The following CSMD1 variants were observed in gnomAD, a reference collection of about 807,000 sequenced individuals.
The protein encoded by CSMD1 is CUB and Sushi multiple domains 1, also known as CUB and sushi domain-containing protein 1.
CSMD1 carries 213 observed loss-of-function variants against 417.5 expected under a neutral mutation model. The ratio of observed to expected loss-of-function variants is 0.51; its 90% CI spans 0.46 to 0.57. The LOEUF is 0.57. Among genes scored for constraint, CSMD1 ranks in the 20% least tolerant of loss-of-function variants. The pLI is 0.00. For synonymous variants in CSMD1, 2,862 were observed against 1,736.8 expected (o/e 1.65, Z -16.11); for missense variants, 6,923 against 4,529.7 (o/e 1.53, Z -15.17).
chr8:4,645,848 C>T (rs561777271), intron 1 of CSMD1, among the ~76,000 whole-genome samples: 1 of 152,218 alleles, frequency 6.6e-6, no homozygotes, highest in South Asian at 2.1e-4. Context: ...CTTCATGGCA[C>T]CCCACGCCTG....
At chr8:3,059,105 T>C (rs76304278) in intron 49 of CSMD1, among the ~76,000 whole-genome samples, 14,914 of 151,844 alleles carry the variant, frequency 0.098, 715 homozygotes, top group Middle Eastern at 0.14. Flanking sequence ...GATGAGACCA[T>C]AGGAGACGCT....
chr8:3,976,291 A>G (rs1008343520), intron 5 of CSMD1, among the ~76,000 whole-genome samples: 1 of 150,856 alleles, frequency 6.6e-6, no homozygotes, highest in Non-Finnish European at 1.5e-5. Flanking sequence ...CTGTCAGGTT[A>G]TACTTATCAT....
chr8:3,994,445 C>A (rs949103903), intron 5 of CSMD1, among the ~76,000 whole-genome samples: 28 of 63,824 alleles, frequency 4.4e-4, no homozygotes, highest in Non-Finnish European at 5.6e-4. Flanking sequence ...CAAATCTCTT[C>A]AGAAAAAAAA....
chr8:3,515,256 G>A (rs974428331), intron 10 of CSMD1: 1 of 152,148 alleles, frequency 6.6e-6, no homozygotes, highest in Non-Finnish European at 1.5e-5. Flanking sequence ...ATAAATAACA[G>A]CACTGTACCT....
At chr8:3,282,367 T>TA (rs1269335149) in intron 26 of CSMD1, among the ~76,000 whole-genome samples, 1 of 151,850 alleles carries the variant, frequency 6.6e-6, no homozygotes, top group Non-Finnish European at 1.5e-5. Flanking sequence ...AAAACTACTC[T>TA]AAAAAAATAA....
intron 33 of CSMD1, among the ~76,000 whole-genome samples, 196 bp downstream of exon 33, chr8:3,199,518 A>G (rs1401987479): frequency 6.6e-6 from 1 of 152,196 alleles, no homozygotes; most frequent in Non-Finnish European, 1.5e-5. Flanking sequence ...TTGTAGTAGA[A>G]ATATGAGTTT....
At chr8:3,653,553 C>T (rs543880722) in intron 7 of CSMD1, among the ~76,000 whole-genome samples, 42 of 152,156 alleles carry the variant, frequency 2.8e-4, no homozygotes, top group Non-Finnish European at 4.3e-4. Context: ...AAGTAATCAG[C>T]GCACCTCAGC....
At chr8:4,363,384 C>G (rs754262942) in intron 3 of CSMD1, among the ~76,000 whole-genome samples, 2 of 152,106 alleles carry the variant, frequency 1.3e-5, no homozygotes, top group African/African-American at 2.4e-5. Context: ...ATGCTTTATA[C>G]GTAAGAGGGA....
At chr8:4,952,412 G>A (rs1307673305) in intron 1 of CSMD1, among the ~76,000 whole-genome samples, 1 of 152,002 alleles carries the variant, frequency 6.6e-6, no homozygotes, top group Non-Finnish European at 1.5e-5. Flanking sequence ...TTGTAAAATG[G>A]AAGAGTCTAT....
chr8:3,933,366 C>T (rs1007486358), intron 5 of CSMD1, among the ~76,000 whole-genome samples: 2 of 152,156 alleles, frequency 1.3e-5, no homozygotes, highest in African/African-American at 2.4e-5. Flanking sequence ...GGCGACATTT[C>T]AGTTTAGTAC....
At chr8:4,350,234 A>C (rs776731031) in intron 3 of CSMD1, among the ~76,000 whole-genome samples, 4 of 152,120 alleles carry the variant, frequency 2.6e-5, no homozygotes, top group African/African-American at 4.8e-5. Flanking sequence ...CACCTGCCTG[A>C]AGCCTAAGTC....
chr8:3,347,102 A>T (rs1563295414), intron 22 of CSMD1, among the ~76,000 whole-genome samples: 1 of 152,242 alleles, frequency 6.6e-6, no homozygotes, highest in Non-Finnish European at 1.5e-5. Flanking sequence ...AACATCTCAT[A>T]ATGTTTTAAA....
rs562415655 is a variant in CSMD1, at chr8:4,015,414, C to T, written c.610+16491G>A. The stretch of plus-strand genomic sequence containing the variant: ...CCTATGATTAAAAAACCTCGACTGA[C>T]AGTTCATATAGAATTGGCAAGTGAC... On this transcript the variant is annotated intron_variant, in intron 4 of 69. Transcript: ENST00000635120. Among the ~76,000 whole-genome samples the T allele has an allele frequency of 7.9e-5, 12 of 152,206 alleles. No individual in the cohort carries two copies. In the South Asian group the frequency reaches 1.5e-3, roughly 18 times the overall value.
At chr8:4,811,832 T>G (rs1343314005) in intron 1 of CSMD1, among the ~76,000 whole-genome samples, 1 of 152,150 alleles carries the variant, frequency 6.6e-6, no homozygotes, top group African/African-American at 2.4e-5. Flanking sequence ...GATGTGATTT[T>G]TTTTCTTCTA....
At chr8:4,687,495 G>C (rs1224599187) in intron 1 of CSMD1, among the ~76,000 whole-genome samples, 1 of 152,334 alleles carries the variant, frequency 6.6e-6, no homozygotes, top group East Asian at 1.9e-4. Context: ...TTGTAGAAGA[G>C]ATGCCAGAAG....
chr8:3,210,853 C>T (rs951520698), intron 30 of CSMD1, among the ~76,000 whole-genome samples: 1 of 151,868 alleles, frequency 6.6e-6, no homozygotes, highest in Non-Finnish European at 1.5e-5. Context: ...AAATTAAATG[C>T]CTTTTGTATT....
rs144726030 is a variant in CSMD1 at position 4,087,748 on chromosome 8, T to C, written c.416-55649A>G. The stretch of plus-strand genomic sequence containing the variant: ...CGCACCCTTTCTTCTGTCTCTCCCG[T>C]TCTCTTAATCTTCTTTCTATATTTT... On this transcript the variant is annotated intron_variant, in intron 3 of 69. Coordinates refer to ENST00000635120, the MANE Select transcript of CSMD1 (RefSeq NM_033225.6). Among the ~76,000 whole-genome samples, 430 of 152,318 alleles carry C rather than the reference T, an allele frequency of 2.8e-3. 2 individuals are homozygous for C. Among genetic ancestry groups the C allele is most frequent in the African/African-American group, 9.8e-3 (409 of 41,574 alleles).
chr8:4,235,521 A>T (rs770318674), intron 3 of CSMD1, among the ~76,000 whole-genome samples: 89 of 152,276 alleles, frequency 5.8e-4, no homozygotes, highest in Middle Eastern at 6.8e-3. Flanking sequence ...AAGTAATGGT[A>T]CATACATGAA....
intron 2 of CSMD1, among the ~76,000 whole-genome samples, chr8:4,628,579 G>A (rs1196340671): frequency 3.4e-5 from 5 of 147,630 alleles, no homozygotes; most frequent in African/African-American, 1.2e-4. Flanking sequence ...AGAATTTCAA[G>A]GACAGAGAAC....
Sources: gnomAD v4.1 joint callset for allele counts (sites outside exome capture counted in the v4.1 genomes callset) on GRCh38, gnomAD v4.1.1 for gene constraint, MANE v1.5 for transcripts, NCBI Gene and HGNC (gene_info 2026-07-23, HGNC 2026-07-21) for gene names.